LRRC7: variants seen among roughly 807,000 people sequenced by gnomAD.
The protein encoded by LRRC7 is leucine-rich repeat-containing protein 7.
A neutral mutation model predicts 175.7 loss-of-function variants in LRRC7; 23 were observed. The ratio of observed to expected loss-of-function variants is 0.13; its 90% CI spans 0.09 to 0.19. LRRC7 has a LOEUF of 0.19. LRRC7 is among the 10% of genes least tolerant of loss of function. LRRC7 has a pLI of 1.00. For synonymous variants in LRRC7, 685 were observed against 680.9 expected (o/e 1.01, Z -0.09); for missense variants, 1,354 against 1,904.7 (o/e 0.71, Z 5.38).
intron 7 of LRRC7, among the ~76,000 whole-genome samples, chr1:69,909,754 G>A (rs1043858490): frequency 6.6e-6 from 1 of 151,796 alleles, no homozygotes; most frequent in African/African-American, 2.4e-5. Flanking sequence ...GTGTCTTGGA[G>A]TTGCTCTTCT....
Position 70,141,468 on chromosome 1 carries a change from A to C in LRRC7, c.*19581A>C, listed in dbSNP as rs979450685. 6.6e-6 allele frequency: 1 copy of C among 152,046 alleles called. No homozygotes were observed. Among genetic ancestry groups the C allele is most frequent in the Non-Finnish European group, 1.5e-5 (1 of 67,958 alleles). The allele number at this position is 152,046 out of a possible 1,614,324, so 9.4% of individuals were successfully genotyped here. On this transcript the variant is annotated 3_prime_UTR_variant, in exon 27 of 27. Transcript: ENST00000651989. ...TAAATTATAGGCCTAGCAATCCTAA[A>C]TCTCCTATGTCCTCAATATCTAGAA... is the stretch of plus-strand genomic sequence containing the variant.
chr1:69,919,380 G>A (rs1368711655), intron 7 of LRRC7: 2 of 621,350 alleles, frequency 3.2e-6, no homozygotes, highest in East Asian at 2.9e-5. Flanking sequence ...AGAAACTGCC[G>A]CCTGGCTGGG....
intron 26 of LRRC7, among the ~76,000 whole-genome samples, chr1:70,110,492 G>A (rs892632549): frequency 6.6e-6 from 1 of 152,058 alleles, no homozygotes. Flanking sequence ...GGGTTATGAG[G>A]GTTCAGTATT....
At chr1:69,795,265 A>C (rs959847301) in intron 4 of LRRC7, among the ~76,000 whole-genome samples, 3 of 152,074 alleles carry the variant, frequency 2.0e-5, no homozygotes, top group African/African-American at 7.2e-5. Flanking sequence ...CTGTAATCCC[A>C]GCTACTCAGG....
chr1:69,706,484 T>C (rs1214535738), intron 2 of LRRC7, among the ~76,000 whole-genome samples: 1 of 152,306 alleles, frequency 6.6e-6, no homozygotes, highest in East Asian at 1.9e-4. Context: ...CACACTGTTT[T>C]CTCATAGTAC....
At chr1:70,005,931 T>C (rs1369112432) in intron 11 of LRRC7, among the ~76,000 whole-genome samples, 1 of 151,864 alleles carries the variant, frequency 6.6e-6, no homozygotes, top group Non-Finnish European at 1.5e-5. Context: ...AACTTATTTT[T>C]ACTTTCCACA....
At chr1:69,855,672 G>T (rs971845408) in intron 7 of LRRC7, among the ~76,000 whole-genome samples, 1 of 151,974 alleles carries the variant, frequency 6.6e-6, no homozygotes, top group Non-Finnish European at 1.5e-5. Flanking sequence ...TTCAATTCCT[G>T]GATATCCTTG....
At chr1:69,707,776 G>C (rs985403833) in intron 2 of LRRC7, among the ~76,000 whole-genome samples, 1 of 152,118 alleles carries the variant, frequency 6.6e-6, no homozygotes, top group Admixed American at 6.6e-5. Context: ...GAGTCATAGA[G>C]ACTTGTGAGG....
At chr1:69,589,115 G>GGTGTGTGTGT (rs55678803) in intron 1 of LRRC7, among the ~76,000 whole-genome samples, 3 of 142,354 alleles carry the variant, frequency 2.1e-5, no homozygotes, top group African/African-American at 7.8e-5. Context: ...TCATAAAAAG[G>GGTGTGTGTGT]GTGTGTGTGT....
intron 7 of LRRC7, among the ~76,000 whole-genome samples, chr1:69,922,965 C>G (rs900132080): frequency 6.6e-6 from 1 of 152,108 alleles, no homozygotes; most frequent in Non-Finnish European, 1.5e-5. Context: ...TATCCCTCCC[C>G]CCTCCTGCCA....
chr1:70,073,961 G>A (rs897841065), intron 23 of LRRC7, among the ~76,000 whole-genome samples: 1 of 152,226 alleles, frequency 6.6e-6, no homozygotes, highest in Non-Finnish European at 1.5e-5. Context: ...AGCACTTTGA[G>A]AGGCTGAGGC....
chr1:69,898,473 G>C (rs191841346), intron 7 of LRRC7, among the ~76,000 whole-genome samples: 1 of 152,194 alleles, frequency 6.6e-6, no homozygotes, highest in African/African-American at 2.4e-5. Flanking sequence ...TTGAATAAAT[G>C]CAATAATTGA....
At chr1:69,729,008 C>T (rs575795154) in intron 2 of LRRC7, among the ~76,000 whole-genome samples, 3 of 152,226 alleles carry the variant, frequency 2.0e-5, no homozygotes, top group Admixed American at 2.0e-4. Flanking sequence ...CACATGGCAG[C>T]AGCAAGGGGA....
intron 8 of LRRC7, among the ~76,000 whole-genome samples, chr1:69,977,129 G>A (rs915473404): frequency 3.9e-5 from 6 of 152,022 alleles, no homozygotes; most frequent in African/African-American, 1.4e-4. Flanking sequence ...TCACTCCCTC[G>A]CCCCCATATC....
chr1:69,615,819 C>A (rs909136466), intron 1 of LRRC7, among the ~76,000 whole-genome samples: 1 of 151,956 alleles, frequency 6.6e-6, no homozygotes, highest in Admixed American at 6.6e-5. Context: ...AAAATGTATA[C>A]AGTTCATGAC....
chr1:69,888,902 C>CTTAA (rs1645745637), intron 7 of LRRC7, among the ~76,000 whole-genome samples: 1 of 152,108 alleles, frequency 6.6e-6, no homozygotes, highest in South Asian at 2.1e-4. Context: ...GAGAGTGGAT[C>CTTAA]TTAAGTACAG....
At chr1:69,774,659 A>C (rs532385146) in intron 3 of LRRC7, among the ~76,000 whole-genome samples, 1 of 152,178 alleles carries the variant, frequency 6.6e-6, no homozygotes, top group African/African-American at 2.4e-5. Context: ...TACATATTAC[A>C]TTTATGTTTA....
At chr1:69,927,946 C>T (rs1647140257) in intron 7 of LRRC7, among the ~76,000 whole-genome samples, 1 of 152,072 alleles carries the variant, frequency 6.6e-6, no homozygotes, top group Admixed American at 6.6e-5. Flanking sequence ...GTTTTATCTA[C>T]TTTTGGTCTT....
At chr1:69,903,921 C>A (rs766125083) in intron 7 of LRRC7, among the ~76,000 whole-genome samples, 44 of 152,102 alleles carry the variant, frequency 2.9e-4, no homozygotes, top group Non-Finnish European at 5.6e-4. Context: ...GGATAAATTC[C>A]TGGATACGTA....
Sources: gnomAD v4.1 joint callset for allele counts (sites outside exome capture counted in the v4.1 genomes callset) on GRCh38, gnomAD v4.1.1 for gene constraint, MANE v1.5 for transcripts, NCBI Gene and HGNC (gene_info 2026-07-23, HGNC 2026-07-21) for gene names.